Variants in LHX4 observed in about 807,000 individuals in gnomAD.
LHX4 encodes the protein LIM/homeobox protein Lhx4.
Under a neutral mutation model 39.2 loss-of-function variants are expected in LHX4, and 16 were observed. The ratio of observed to expected loss-of-function variants is 0.41; its 90% confidence interval spans 0.28 to 0.62. The LOEUF (loss-of-function observed/expected upper bound fraction) is 0.62. Ranked by LOEUF, LHX4 falls within the 20% of genes least tolerant of loss-of-function variation. The pLI is 0.33. For missense variants in LHX4, 439 were observed against 511.9 expected (o/e 0.86, Z 1.37); for synonymous variants, 206 against 198.1 (o/e 1.04, Z -0.33).
chr1:180,241,908 C>T (rs1664451452), intron 1 of LHX4, among the ~76,000 whole-genome samples: 3 of 151,922 alleles, frequency 2.0e-5, no homozygotes, highest in Admixed American at 2.0e-4. Context: ...GCCTTGGACT[C>T]CTGGGCTCAA....
chr1:180,242,414 T>C (rs533536331), intron 1 of LHX4, among the ~76,000 whole-genome samples: 1 of 152,306 alleles, frequency 6.6e-6, no homozygotes, highest in South Asian at 2.1e-4. Flanking sequence ...GTGATTGTGT[T>C]TCTCTGTATG....
intron 1 of LHX4, among the ~76,000 whole-genome samples, chr1:180,246,007 GAA>G (rs113141170): frequency 7.0e-6 from 1 of 143,644 alleles, no homozygotes; most frequent in African/African-American, 2.5e-5. Context: ...TGTGGAGATA[GAA>G]AAAAAAAAAA....
intron 5 of LHX4, chr1:180,273,024 C>T (rs1455874176): frequency 6.7e-6 from 1 of 150,212 alleles, no homozygotes; most frequent in Non-Finnish European, 1.5e-5. Context: ...CCTTCATCTT[C>T]CTGCTCCCTT....
At chr1:180,242,281 A>G (rs1472090877) in intron 1 of LHX4, among the ~76,000 whole-genome samples, 2 of 151,884 alleles carry the variant, frequency 1.3e-5, no homozygotes, top group East Asian at 3.9e-4. Context: ...GTGTGTGTAC[A>G]TGTGAGTATG....
chr1:180,267,398 G>A (rs1169459156), intron 3 of LHX4, among the ~76,000 whole-genome samples: 2 of 152,278 alleles, frequency 1.3e-5, no homozygotes, highest in African/African-American at 2.4e-5. Context: ...CGCCCTACAT[G>A]CCATGCGCTT....
chr1:180,240,585 G>A (rs1454682304), intron 1 of LHX4, among the ~76,000 whole-genome samples: 2 of 152,078 alleles, frequency 1.3e-5, no homozygotes, highest in South Asian at 2.1e-4. Flanking sequence ...AATTAAAATC[G>A]ATCAAACAAA....
At chr1:180,265,549 G>GGCTT (rs1416861637) in intron 2 of LHX4, among the ~76,000 whole-genome samples, 1 of 152,186 alleles carries the variant, frequency 6.6e-6, no homozygotes, top group Non-Finnish European at 1.5e-5. Context: ...GGCAGGGGGT[G>GGCTT]GCTTGCTTGG....
intron 2 of LHX4, among the ~76,000 whole-genome samples, chr1:180,255,365 CACACACACATGCAT>C (rs1244153089): frequency 6.7e-6 from 1 of 149,314 alleles, no homozygotes; most frequent in African/African-American, 2.6e-5. Context: ...TGTATACACG[CACACACACATGCAT>C]ACACACACGC....
rs1649069751 is a variant in LHX4 at position 180,276,895 on chromosome 1, G to A, written c.*2316G>A. The A allele has an allele frequency of 6.6e-6, 1 of 151,956 alleles. No homozygotes were observed. The highest frequency in any genetic ancestry group is 2.4e-5 in the African/African-American group (1 of 41,354). 9.4% of individuals were successfully genotyped at this position (151,956 alleles called of 1,614,324 possible). ...AAGATCACTGTAAGTAAGTTGACCA[G>A]TTTTTGTAAGTTAATCATACTAATT... On this transcript the variant is annotated 3_prime_UTR_variant, in exon 6 of 6. Coordinates refer to ENST00000263726, the MANE Select transcript of LHX4 (RefSeq NM_033343.4).
intron 2 of LHX4, among the ~76,000 whole-genome samples, chr1:180,263,470 C>G (rs1438675182): frequency 2.2e-5 from 3 of 134,898 alleles, no homozygotes. Flanking sequence ...TGGGCTGGGC[C>G]GGGGGAGCCT....
In LHX4 at chr1:180,266,683, C is replaced by A; in HGVS notation, c.451+89C>A. 7.9e-7 allele frequency: 1 copy of A among 1,260,982 alleles called. No individual in the cohort carries two copies. The allele number at this position is 1,260,982 out of a possible 1,614,324, so 78.1% of individuals were successfully genotyped here. A position where few individuals can be genotyped will look rare whatever the true frequency, so the allele number is the denominator to read the frequency against. On this transcript the variant is annotated intron_variant, in intron 3 of 5. Coordinates refer to ENST00000263726, the MANE Select transcript of LHX4 (RefSeq NM_033343.4). This position sits in a 1 kb window ranked among gnomAD's most constrained non-coding sequence, Gnocchi z 5.7. ...GAGGTGCCCTTCTCATGGCGTCCCACCTGCCCATCCCTCAGAGCCCTACTC... is the reference window on the plus strand; with the variant it reads ...GAGGTGCCCTTCTCATGGCGTCCCAACTGCCCATCCCTCAGAGCCCTACTC...
intron 1 of LHX4, among the ~76,000 whole-genome samples, chr1:180,239,241 C>G (rs924919657): frequency 1.3e-5 from 2 of 152,214 alleles, no homozygotes; most frequent in Non-Finnish European, 2.9e-5. Flanking sequence ...ATGAGCCCCC[C>G]ACTGACAGTA....
At chr1:180,244,072 G>C (rs560764932) in intron 1 of LHX4, among the ~76,000 whole-genome samples, 1 of 152,280 alleles carries the variant, frequency 6.6e-6, no homozygotes, top group African/African-American at 2.4e-5. Flanking sequence ...CTGTAAAATG[G>C]GGATGATAAT....
chr1:180,273,949 C>T (rs1363193633), intron 5 of LHX4: 2 of 566,212 alleles, frequency 3.5e-6, no homozygotes, highest in African/African-American at 3.8e-5. Flanking sequence ...AACATTTGTC[C>T]ATCCTTCTGG....
chr1:180,260,436 C>G (rs1648067595), intron 2 of LHX4, among the ~76,000 whole-genome samples: 1 of 151,754 alleles, frequency 6.6e-6, no homozygotes, highest in African/African-American at 2.4e-5. Context: ...CTGTCTTGCA[C>G]TGGTGAGCAG....
Position 180,274,561 on chromosome 1 carries a change from G to C in LHX4, c.1155G>C (p.Met385Ile), listed in dbSNP as rs1558227438. 6.3e-7 allele frequency: 1 copy of C among 1,584,070 alleles called. No homozygotes were observed. Among genetic ancestry groups the C allele is most frequent in the Admixed American group, 1.7e-5 (1 of 59,168 alleles). ...GCCCAGGCTCTTGGCTCGATGAAAT[G>C]GATCATCCTCCTTTTTAAACTTCTC... ...PTSPGSWLDE[M>I]DHPPF is the part of the protein sequence containing the mutation. Residue 385 changes from methionine (M) to isoleucine (I), a missense_variant, in exon 6 of 6, where the codon ATG (methionine) becomes ATC (isoleucine). By Grantham distance (10) the Met-to-Ile change is conservative. Transcript: ENST00000263726.
intron 2 of LHX4, among the ~76,000 whole-genome samples, chr1:180,254,113 C>A (rs1021872570): frequency 2.0e-5 from 3 of 152,206 alleles, no homozygotes; most frequent in Admixed American, 2.0e-4. Context: ...TCAAGCTGTG[C>A]CCCCAGCCAC....
chr1:180,240,884 A>G (rs1245677523), intron 1 of LHX4, among the ~76,000 whole-genome samples: 3 of 152,220 alleles, frequency 2.0e-5, no homozygotes, highest in Non-Finnish European at 4.4e-5. Context: ...ACAATGCTTC[A>G]GGTGCTTTGA....
rs1280581355 is a variant in LHX4, at chr1:180,274,144, T to G, written c.779-41T>G. 9 of 1,613,322 alleles carry G rather than the reference T, an allele frequency of 5.6e-6. No homozygotes were observed. In the Admixed American group the frequency reaches 1.5e-4, roughly 27 times the overall value. ...TGTGAAGAGCAGGGGACCATCAGAG[T>G]CCTGGCAGCTGACAATAAATCTCCG... On this transcript the variant is annotated intron_variant, in intron 5 of 5. Coordinates refer to ENST00000263726, the MANE Select transcript of LHX4 (RefSeq NM_033343.4).
Sources: allele counts gnomAD v4.1 joint callset (sites outside exome capture counted in the v4.1 genomes callset), GRCh38; gene constraint gnomAD v4.1.1; non-coding constraint Gnocchi (gnomAD v3.1); transcripts MANE v1.5; gene names NCBI Gene and HGNC (gene_info 2026-07-23, HGNC 2026-07-21).